MARCHF10: variants seen among roughly 807,000 people sequenced by gnomAD.
The protein encoded by MARCHF10 is probable E3 ubiquitin-protein ligase MARCHF10.
MARCHF10 carries 64 observed loss-of-function variants against 76.2 expected under a neutral mutation model. That is an observed-to-expected ratio of 0.84 (90% CI 0.69 to 1.03). The LOEUF (loss-of-function observed/expected upper bound fraction) is 1.03. MARCHF10 is among the 50% of genes least tolerant of loss of function. The pLI is 0.00. For synonymous variants in MARCHF10, 340 were observed against 357.5 expected (o/e 0.95, Z 0.55); for missense variants, 875 against 958.0 (o/e 0.91, Z 1.14).
At chr17:62,803,730 G>A (rs777546209) in intron 1 of MARCHF10, among the ~76,000 whole-genome samples, 5 of 152,102 alleles carry the variant, frequency 3.3e-5, no homozygotes, top group African/African-American at 4.8e-5. Context: ...CGGCCAGACT[G>A]ATCTTGAGCT....
chr17:62,737,915 T>A (rs1204240484), intron 5 of MARCHF10: 1 of 152,244 alleles, frequency 6.6e-6, no homozygotes, highest in Non-Finnish European at 1.5e-5. Context: ...TATAAATCGC[T>A]CATGAAATCG....
intron 4 of MARCHF10, among the ~76,000 whole-genome samples, chr17:62,745,049 C>T (rs975121262): frequency 4.7e-5 from 7 of 149,484 alleles, no homozygotes; most frequent in African/African-American, 1.5e-4. Context: ...ATGATGCCTG[C>T]GATGCAGAGG....
intron 6 of MARCHF10, among the ~76,000 whole-genome samples, chr17:62,731,005 C>G (rs1039546725): frequency 1.3e-5 from 2 of 152,102 alleles, no homozygotes; most frequent in South Asian, 2.1e-4. Context: ...AACCATAAGA[C>G]AGCAAAGCCC....
chr17:62,772,307 C>T (rs745899757), intron 3 of MARCHF10, among the ~76,000 whole-genome samples: 1 of 152,144 alleles, frequency 6.6e-6, no homozygotes, highest in Non-Finnish European at 1.5e-5. Context: ...CTTTGTCTGT[C>T]GCCATGTAAG....
chr17:62,766,849 A>G (rs1271274027), intron 3 of MARCHF10, among the ~76,000 whole-genome samples: 1 of 152,234 alleles, frequency 6.6e-6, no homozygotes, highest in Admixed American at 6.5e-5. Flanking sequence ...GGAGAGAGAT[A>G]AGATTAATGA....
At chr17:62,785,498 A>G (rs991782158) in intron 3 of MARCHF10, among the ~76,000 whole-genome samples, 1 of 152,198 alleles carries the variant, frequency 6.6e-6, no homozygotes, top group African/African-American at 2.4e-5. Flanking sequence ...ACCAAAAGCA[A>G]TGGCAACAAA....
intron 6 of MARCHF10, among the ~76,000 whole-genome samples, chr17:62,729,457 T>C (rs1162735752): frequency 2.0e-5 from 3 of 148,474 alleles, no homozygotes; most frequent in Non-Finnish European, 4.5e-5. Context: ...AGATTATATA[T>C]ATATTTATAT....
chr17:62,748,180 G>A (rs935497736), intron 4 of MARCHF10, among the ~76,000 whole-genome samples: 3 of 152,158 alleles, frequency 2.0e-5, no homozygotes, highest in Non-Finnish European at 4.4e-5. Context: ...GGTGGATCAC[G>A]AGGTCAGGAG....
intron 2 of MARCHF10, among the ~76,000 whole-genome samples, chr17:62,798,792 G>GTGGAC (rs2093027711): frequency 6.6e-6 from 1 of 152,202 alleles, no homozygotes; most frequent in Admixed American, 6.5e-5. Context: ...AAGCACGTTC[G>GTGGAC]TGGACTGAGC....
intron 9 of MARCHF10, among the ~76,000 whole-genome samples, chr17:62,709,225 A>G (rs531852061): frequency 1.7e-3 from 262 of 152,322 alleles, no homozygotes; most frequent in African/African-American, 6.0e-3. Context: ...CACACCTGTA[A>G]TCCCAGCACT....
rs1428708727 is a variant in MARCHF10 at position 62,741,533 on chromosome 17, C to T, written c.535+2843G>A. On this transcript the variant is annotated intron_variant, in intron 5 of 10. Transcript: ENST00000311269. ...GGAATGTTCGTTGTTAGTTTCACTACTAGTATTACGTATCATTTTTAAAAC... is the reference window on the plus strand; with the variant it reads ...GGAATGTTCGTTGTTAGTTTCACTATTAGTATTACGTATCATTTTTAAAAC... Among the ~76,000 whole-genome samples, 3 of 152,140 alleles carry T rather than the reference C, an allele frequency of 2.0e-5. No individual in the cohort carries two copies. In the East Asian group the frequency reaches 5.8e-4, roughly 29 times the overall value.
chr17:62,734,771 G>T (rs2091190617), intron 6 of MARCHF10, among the ~76,000 whole-genome samples: 1 of 152,120 alleles, frequency 6.6e-6, no homozygotes, highest in African/African-American at 2.4e-5. Context: ...AGAGTGTCTG[G>T]ATAAACTATT....
intron 6 of MARCHF10, among the ~76,000 whole-genome samples, chr17:62,728,930 G>A (rs887907365): frequency 1.3e-4 from 20 of 152,082 alleles, no homozygotes; most frequent in Non-Finnish European, 2.5e-4. Context: ...AATAAAGTAT[G>A]AAGGGTTTTT....
Position 62,711,341 on chromosome 17 carries a change from G to T in MARCHF10, c.2218C>A (p.Gln740Lys), listed in dbSNP as rs1568095009. ...AAGCCTGAATTCATCAGCTCGTTTTGTGCCTACAAATGGAAAAGAAAGCTC... is the reference window on the plus strand; with the variant it reads ...AAGCCTGAATTCATCAGCTCGTTTTTTGCCTACAAATGGAAAAGAAAGCTC... The part of the protein sequence containing the change: ...FYQKHQQSQA[Q>K]NELMNSGLYL... Residue 740 changes from glutamine to lysine, a missense_variant, in exon 9 of 11, where the codon CAA (glutamine) becomes AAA (lysine). By Grantham distance (53) the Gln-to-Lys change is moderately conservative. Coordinates refer to ENST00000311269, the MANE Select transcript of MARCHF10 (RefSeq NM_152598.4). The surrounding 1 kb of genome is among the most constrained non-coding windows in gnomAD (Gnocchi z 4.4). 6.2e-7 allele frequency: 1 copy of T among 1,614,078 alleles called. No individual in the cohort carries two copies. The highest frequency in any genetic ancestry group is 8.5e-7 in the Non-Finnish European group (1 of 1,179,926).
At chr17:62,779,765 G>A (rs1379219368) in intron 3 of MARCHF10, among the ~76,000 whole-genome samples, 1 of 152,226 alleles carries the variant, frequency 6.6e-6, no homozygotes, top group African/African-American at 2.4e-5. Context: ...AGAACTTTCT[G>A]CAGTGACAGA....
At chr17:62,795,061 T>C (rs2092960868) in intron 2 of MARCHF10, 2 of 985,194 alleles carry the variant, frequency 2.0e-6, no homozygotes, top group Non-Finnish European at 2.4e-6. Flanking sequence ...CCTCCGTCCC[T>C]ATGGGAAGAA....
intron 2 of MARCHF10, among the ~76,000 whole-genome samples, 187 bp from the exon 3 acceptor site, chr17:62,788,786 G>A (rs544314439): frequency 1.1e-4 from 17 of 151,690 alleles, no homozygotes; most frequent in Middle Eastern, 3.5e-3. Context: ...AGGTCAGGCC[G>A]GGCGCGGTGG....
chr17:62,724,424 C>T (rs909250656), intron 7 of MARCHF10, among the ~76,000 whole-genome samples: 1 of 152,140 alleles, frequency 6.6e-6, no homozygotes, highest in Non-Finnish European at 1.5e-5. Context: ...CAGATCAGCA[C>T]TCTTATCCCT....
chr17:62,716,738 T>C (rs1319868784), intron 8 of MARCHF10, among the ~76,000 whole-genome samples: 2 of 152,156 alleles, frequency 1.3e-5, no homozygotes, highest in African/African-American at 4.8e-5. Context: ...GAAAAACAGT[T>C]CACTAGTCAG....
Sources: allele counts gnomAD v4.1 joint callset (sites outside exome capture counted in the v4.1 genomes callset), GRCh38; gene constraint gnomAD v4.1.1; non-coding constraint Gnocchi (gnomAD v3.1); transcripts MANE v1.5; gene names NCBI Gene and HGNC (gene_info 2026-07-23, HGNC 2026-07-21).